The following RBFOX1 variants were observed in gnomAD, a reference collection of about 807,000 sequenced individuals.
RBFOX1 encodes RNA binding protein fox-1 homolog 1.
A neutral mutation model predicts 57.7 loss-of-function variants in RBFOX1; 8 were observed. The observed-to-expected ratio is 0.14, with a 90% CI of 0.08 to 0.25. RBFOX1 has a LOEUF of 0.25. RBFOX1 is among the 10% of genes least tolerant of loss of function. The pLI is 1.00. For synonymous variants in RBFOX1, 326 were observed against 222.4 expected, an observed-to-expected ratio of 1.47 and a Z score of -4.15; for missense variants, 611 against 548.5, an observed-to-expected ratio of 1.11 and a Z score of -1.14.
At chr16:6,999,897 C>T (rs1475951734) in intron 3 of RBFOX1, among the ~76,000 whole-genome samples, 5 of 151,744 alleles carry the variant, frequency 3.3e-5, no homozygotes, top group Non-Finnish European at 5.9e-5. Context: ...CATGGTGAAA[C>T]CCTGTCTTTA....
rs564335818 is a variant in RBFOX1 at position 7,150,830 on chromosome 16, C to T, written c.27+98732C>T. Among the ~76,000 whole-genome samples, 16 of 152,250 alleles carry T rather than the reference C, an allele frequency of 1.1e-4. 1 individual carries two copies. Among genetic ancestry groups the T allele is most frequent in the Middle Eastern group, 3.4e-3 (1 of 294 alleles). Reference sequence around the variant, plus strand: ...TCTATTGATGCTTGTTAATTGAAGTCGCTGAGAAAAGTTAGTTAATGATGT... The same window carrying T: ...TCTATTGATGCTTGTTAATTGAAGTTGCTGAGAAAAGTTAGTTAATGATGT... On this transcript the variant is annotated intron_variant, in intron 4 of 15. Coordinates refer to ENST00000550418, the MANE Select transcript of RBFOX1 (RefSeq NM_018723.4).
At chr16:6,620,007 C>T (rs1308236035) in intron 2 of RBFOX1, among the ~76,000 whole-genome samples, 1 of 152,188 alleles carries the variant, frequency 6.6e-6, no homozygotes, top group Non-Finnish European at 1.5e-5. Context: ...ATGGCCTCCA[C>T]TTCCATCCAT....
In RBFOX1 at chr16:5,980,468, G is replaced by A. The variant is rs2060150168; in HGVS notation, c.351+113133G>A. On this transcript the variant is annotated intron_variant, in intron 4 of 19. Coordinates refer to the RBFOX1 transcript ENST00000641259. ...GAGGCCGAATTCTCGCTCTGGCCCT[G>A]GGCAGACAGCAGACCTGAGAGCTGT... 1.3e-5 allele frequency among the ~76,000 whole-genome samples: 2 copies of A among 152,146 alleles called. 1 individual carries two copies. Among genetic ancestry groups the A allele is most frequent in the South Asian group, 4.1e-4 (2 of 4,820 alleles).
At chr16:6,514,989 C>T (rs2096344964) in intron 2 of RBFOX1, among the ~76,000 whole-genome samples, 1 of 151,804 alleles carries the variant, frequency 6.6e-6, no homozygotes, top group Admixed American at 6.6e-5. Context: ...CAAAAACAAC[C>T]AGAGAAATAA....
At chr16:6,360,963 A>G (rs551661609) in intron 2 of RBFOX1, among the ~76,000 whole-genome samples, 2 of 150,836 alleles carry the variant, frequency 1.3e-5, no homozygotes, top group East Asian at 1.9e-4. Flanking sequence ...ATTTTATTTT[A>G]TTTTATTTTA....
chr16:7,006,550 A>G (rs1435508166), intron 3 of RBFOX1, among the ~76,000 whole-genome samples: 1 of 152,096 alleles, frequency 6.6e-6, no homozygotes, highest in Non-Finnish European at 1.5e-5. Flanking sequence ...CCTGGGCTCA[A>G]GCAGTCCTCC....
chr16:7,534,644 C>G (rs1179855666), intron 5 of RBFOX1, among the ~76,000 whole-genome samples: 1 of 152,134 alleles, frequency 6.6e-6, no homozygotes, highest in South Asian at 2.1e-4. Flanking sequence ...AATTTTTTCA[C>G]CAGGCTCAGC....
intron 4 of RBFOX1, among the ~76,000 whole-genome samples, chr16:7,450,170 T>G (rs534006380): frequency 6.6e-6 from 1 of 151,778 alleles, no homozygotes; most frequent in South Asian, 2.1e-4. Flanking sequence ...TGGAGGTGGG[T>G]GGATCACAAG....
intron 2 of RBFOX1, among the ~76,000 whole-genome samples, chr16:6,522,332 T>G (rs1204292141): frequency 6.6e-6 from 1 of 152,144 alleles, no homozygotes; most frequent in East Asian, 1.9e-4. Context: ...AGAGATGATA[T>G]TTGTTAAAAT....
chr16:6,647,290 C>G (rs1008624604), intron 2 of RBFOX1, among the ~76,000 whole-genome samples: 1 of 152,138 alleles, frequency 6.6e-6, no homozygotes, highest in Non-Finnish European at 1.5e-5. Context: ...GTTGCCCAGG[C>G]TCTAGTGCAG....
intron 2 of RBFOX1, among the ~76,000 whole-genome samples, chr16:6,494,575 C>T (rs949927697): frequency 1.3e-5 from 2 of 152,186 alleles, no homozygotes; most frequent in Non-Finnish European, 1.5e-5. Context: ...CACAGCTTAA[C>T]CATTCACCTG....
chr16:6,675,670 G>A (rs1243341266), intron 3 of RBFOX1, among the ~76,000 whole-genome samples: 1 of 152,182 alleles, frequency 6.6e-6, no homozygotes, highest in Non-Finnish European at 1.5e-5. Context: ...CATGGCAGAA[G>A]GAAAGCATGT....
intron 2 of RBFOX1, among the ~76,000 whole-genome samples, chr16:5,594,824 A>C (rs537971048): frequency 6.6e-6 from 1 of 152,112 alleles, no homozygotes; most frequent in African/African-American, 2.4e-5. Context: ...ATGTCTATGT[A>C]AGTATTTATA....
At chr16:5,950,164 A>C (rs1278745113) in intron 4 of RBFOX1, among the ~76,000 whole-genome samples, 1 of 152,250 alleles carries the variant, frequency 6.6e-6, no homozygotes, top group Non-Finnish European at 1.5e-5. Context: ...TGCAAAACCC[A>C]GTGAAAAATA....
intron 1 of RBFOX1, among the ~76,000 whole-genome samples, chr16:6,168,593 A>G (rs772699755): frequency 1.1e-4 from 17 of 152,170 alleles, no homozygotes; most frequent in Non-Finnish European, 1.9e-4. Flanking sequence ...CAGATAATCA[A>G]TATTTTTATT....
intron 4 of RBFOX1, among the ~76,000 whole-genome samples, chr16:5,942,244 G>C (rs1420037477): frequency 6.6e-6 from 1 of 152,130 alleles, no homozygotes; most frequent in Admixed American, 6.6e-5. Context: ...TTGCAGGCTA[G>C]GGTTTTTGAA....
chr16:6,416,344 A>G (rs867856586), intron 2 of RBFOX1, among the ~76,000 whole-genome samples: 14 of 152,186 alleles, frequency 9.2e-5, no homozygotes, highest in African/African-American at 3.1e-4. Flanking sequence ...CTGATTATCA[A>G]AATATCTATT....
intron 4 of RBFOX1, among the ~76,000 whole-genome samples, chr16:7,493,815 A>G (rs188831631): frequency 4.7e-4 from 71 of 152,338 alleles, no homozygotes; most frequent in African/African-American, 1.4e-3. Flanking sequence ...TGAAGCCACA[A>G]TGTTTCTGGT....
chr16:6,591,087 A>G (rs2097703710), intron 2 of RBFOX1, among the ~76,000 whole-genome samples: 2 of 152,116 alleles, frequency 1.3e-5, no homozygotes, highest in African/African-American at 4.8e-5. Flanking sequence ...AAGTGCTGTG[A>G]TTATTCTTAG....
Sources: allele counts gnomAD v4.1 joint callset (sites outside exome capture counted in the v4.1 genomes callset), GRCh38; gene constraint gnomAD v4.1.1; transcripts MANE v1.5; gene names NCBI Gene and HGNC (gene_info 2026-07-23, HGNC 2026-07-21).